Variants in ERBB4 observed in about 807,000 individuals in gnomAD.
ERBB4 encodes the protein erb-b2 receptor tyrosine kinase 4.
Under a neutral mutation model 158.0 loss-of-function variants are expected in ERBB4, and 42 were observed. That is an observed-to-expected ratio of 0.27 (90% CI 0.21 to 0.34). The LOEUF (loss-of-function observed/expected upper bound fraction) is 0.34. Among genes scored for constraint, ERBB4 ranks in the 10% least tolerant of loss-of-function variants. The pLI is 1.00. For missense variants in ERBB4, 1,333 were observed against 1,624.1 expected, an observed-to-expected ratio of 0.82 and a Z score of 3.08; for synonymous variants, 583 against 558.7, an observed-to-expected ratio of 1.04 and a Z score of -0.61.
intron 6 of ERBB4, 95 bp from the exon 7 acceptor site, chr2:211,722,629 A>G: frequency 8.2e-7 from 1 of 1,215,728 alleles, no homozygotes; most frequent in Non-Finnish European, 1.2e-6. Context: ...TTTCTATAAT[A>G]ATTCCACAAA....
intron 1 of ERBB4, among the ~76,000 whole-genome samples, chr2:212,140,458 C>A (rs1370615687): frequency 6.9e-6 from 1 of 145,978 alleles, no homozygotes; most frequent in Non-Finnish European, 1.5e-5. Context: ...TTTGTCCTGT[C>A]ATTTCTAAAT....
intron 12 of ERBB4, among the ~76,000 whole-genome samples, chr2:211,684,061 T>C (rs1321839225): frequency 6.6e-6 from 1 of 152,224 alleles, no homozygotes; most frequent in African/African-American, 2.4e-5. Flanking sequence ...TGCTATTTAG[T>C]GCTACTTTTT....
Position 212,079,382 on chromosome 2 carries a change from A to C in ERBB4, c.234+45370T>G, listed in dbSNP as rs535207103. On this transcript the variant is annotated intron_variant, in intron 2 of 27. Transcript: ENST00000342788. ...AATTCACGATAGCTAAAACAAAAGA[A>C]CAAATATATATCCTACCAAAACTGT... Among the ~76,000 whole-genome samples, 20 of 152,192 alleles carry C rather than the reference A, an allele frequency of 1.3e-4. No homozygotes were observed. The South Asian group carries it at 2.9e-3, about 22-fold the overall frequency.
intron 20 of ERBB4, among the ~76,000 whole-genome samples, chr2:211,492,702 A>C (rs762382442): frequency 1.3e-5 from 2 of 152,140 alleles, no homozygotes; most frequent in Non-Finnish European, 2.9e-5. Flanking sequence ...CTTAACCTCC[A>C]TTCACACTGT....
chr2:211,745,722 AAC>A (rs1326033081), intron 5 of ERBB4, among the ~76,000 whole-genome samples: 1 of 123,200 alleles, frequency 8.1e-6, no homozygotes, highest in African/African-American at 2.8e-5. Flanking sequence ...CCAGAAAAAA[AAC>A]AAAAACAAAA....
intron 3 of ERBB4, among the ~76,000 whole-genome samples, chr2:211,924,602 G>T (rs1305309746): frequency 6.6e-6 from 1 of 152,096 alleles, no homozygotes; most frequent in Non-Finnish European, 1.5e-5. Flanking sequence ...ATTATGTTTA[G>T]AGGGTGAAAC....
intron 3 of ERBB4, among the ~76,000 whole-genome samples, chr2:211,936,288 C>A (rs1356221002): frequency 2.0e-5 from 3 of 151,086 alleles, no homozygotes; most frequent in African/African-American, 7.3e-5. Flanking sequence ...AATTGAAAAT[C>A]AAAAATACCC....
intron 1 of ERBB4, among the ~76,000 whole-genome samples, chr2:212,508,754 A>G (rs1691337729): frequency 6.6e-6 from 1 of 152,104 alleles, no homozygotes; most frequent in Non-Finnish European, 1.5e-5. Context: ...TAGTCTTTCT[A>G]AAAGACTCTT....
intron 1 of ERBB4, among the ~76,000 whole-genome samples, chr2:212,217,288 T>C (rs753063664): frequency 1.1e-4 from 17 of 151,268 alleles, no homozygotes; most frequent in Non-Finnish European, 2.2e-4. Flanking sequence ...CCAAAATTTG[T>C]CTCCAATATC....
chr2:212,041,580 T>C (rs551273392), intron 2 of ERBB4, among the ~76,000 whole-genome samples: 147 of 150,964 alleles, frequency 9.7e-4, no homozygotes, highest in African/African-American at 3.5e-3. Context: ...GCAATATGGA[T>C]CATATTACAT....
At chr2:211,548,481 C>T (rs2066999401) in intron 20 of ERBB4, among the ~76,000 whole-genome samples, 1 of 151,942 alleles carries the variant, frequency 6.6e-6, no homozygotes, top group Non-Finnish European at 1.5e-5. Flanking sequence ...AGGTATACGA[C>T]CTCATATTTT....
intron 12 of ERBB4, among the ~76,000 whole-genome samples, chr2:211,694,392 C>T (rs1053217969): frequency 8.5e-5 from 13 of 152,154 alleles, no homozygotes; most frequent in African/African-American, 3.1e-4. Context: ...AGATATCATT[C>T]TCTCAGAATT....
chr2:211,555,600 G>A (rs556609859), intron 20 of ERBB4, among the ~76,000 whole-genome samples: 2 of 152,276 alleles, frequency 1.3e-5, no homozygotes, highest in East Asian at 1.9e-4. Flanking sequence ...TTATAAGGAA[G>A]CCCATCAGAC....
At chr2:212,223,933 G>A (rs1031704466) in intron 1 of ERBB4, among the ~76,000 whole-genome samples, 2 of 151,702 alleles carry the variant, frequency 1.3e-5, no homozygotes, top group Non-Finnish European at 2.9e-5. Context: ...CCAACACAAC[G>A]ATTAACAGAC....
intron 20 of ERBB4, among the ~76,000 whole-genome samples, chr2:211,442,855 G>T (rs60386382): frequency 0.091 from 13,801 of 151,810 alleles, 651 homozygotes; most frequent in South Asian, 0.13. Flanking sequence ...TATTTTTTCG[G>T]CTTGTTCAAG....
In ERBB4 at chr2:211,377,638, G is replaced by A. The variant is rs759949800; in HGVS notation, c.*5977C>T. On this transcript the variant is annotated 3_prime_UTR_variant, in exon 28 of 28. Coordinates refer to ENST00000342788, the MANE Select transcript of ERBB4 (RefSeq NM_005235.3). ...TTATGATAATAAGACTCCTCATTTG[G>A]GAGAAAAAAATTTACAGCAGCTACA... 2 of 232,162 alleles carry A rather than the reference G, an allele frequency of 8.6e-6. No individual in the cohort carries two copies. The highest frequency in any genetic ancestry group is 1.7e-5 in the Non-Finnish European group (2 of 117,558). 14.4% of individuals were successfully genotyped at this position (232,162 alleles called of 1,614,324 possible).
At chr2:212,106,351 A>G (rs2125529297) in intron 2 of ERBB4, among the ~76,000 whole-genome samples, 1 of 152,368 alleles carries the variant, frequency 6.6e-6, no homozygotes, top group Admixed American at 6.5e-5. Flanking sequence ...TTTAACAAAG[A>G]CACTGGCAGC....
At chr2:212,369,631 AT>A (rs1387565282) in intron 1 of ERBB4, among the ~76,000 whole-genome samples, 1 of 151,752 alleles carries the variant, frequency 6.6e-6, no homozygotes, top group Admixed American at 6.6e-5. Context: ...TCCATCAGAG[AT>A]TTTGTCATTT....
chr2:211,515,797 T>A (rs1426524017), intron 20 of ERBB4, among the ~76,000 whole-genome samples: 8 of 150,122 alleles, frequency 5.3e-5, no homozygotes, highest in African/African-American at 2.0e-4. Flanking sequence ...GATTGGGAAA[T>A]GCACAGAGGA....
Sources: gnomAD v4.1 joint callset for allele counts (sites outside exome capture counted in the v4.1 genomes callset) on GRCh38, gnomAD v4.1.1 for gene constraint, MANE v1.5 for transcripts, NCBI Gene and HGNC (gene_info 2026-07-23, HGNC 2026-07-21) for gene names.